Variants in ESR1 observed in about 807,000 individuals in gnomAD.
The protein encoded by ESR1 is estrogen receptor.
A neutral mutation model predicts 52.7 loss-of-function variants in ESR1; 12 were observed. The ratio of observed to expected loss-of-function variants is 0.23; its 90% CI spans 0.15 to 0.37. The LOEUF is 0.37. Ranked by LOEUF, ESR1 falls within the 10% of genes least tolerant of loss-of-function variation. The pLI is 1.00. For synonymous variants in ESR1, 305 were observed against 316.8 expected (o/e 0.96, Z 0.39); for missense variants, 584 against 779.7 (o/e 0.75, Z 2.99).
At chr6:151,976,711 A>G (rs371232143) in intron 4 of ESR1, among the ~76,000 whole-genome samples, 198 of 152,286 alleles carry the variant, frequency 1.3e-3, no homozygotes, top group African/African-American at 4.4e-3. Context: ...ACTGATAGAG[A>G]TTAAATGATG....
At chr6:152,083,623 A>T (rs60452215) in intron 6 of ESR1, among the ~76,000 whole-genome samples, 13,179 of 152,304 alleles carry the variant, frequency 0.087, 1,196 homozygotes, top group African/African-American at 0.23. Flanking sequence ...ATTAAACTAA[A>T]GAGCTTCTGC....
At chr6:151,832,503 A>G (rs904057115) in intron 1 of ESR1, among the ~76,000 whole-genome samples, 9 of 152,188 alleles carry the variant, frequency 5.9e-5, no homozygotes, top group African/African-American at 1.7e-4. Context: ...CTGTCCATCC[A>G]TAGTGATATT....
intron 3 of ESR1, among the ~76,000 whole-genome samples, chr6:151,919,288 A>G (rs4458702): frequency 0.78 from 118,962 of 152,152 alleles, 47,042 homozygotes; most frequent in African/African-American, 0.89. Context: ...TTTGTGTTAT[A>G]TTCAGTGTTA....
intron 5 of ESR1, among the ~76,000 whole-genome samples, chr6:152,021,509 A>G (rs2043649484): frequency 6.6e-6 from 1 of 152,176 alleles, no homozygotes; most frequent in African/African-American, 2.4e-5. Flanking sequence ...CACACTGTCC[A>G]TGTCTTTGAT....
At chr6:151,716,373 G>A (rs927439690) in intron 2 of ESR1, among the ~76,000 whole-genome samples, 2 of 152,148 alleles carry the variant, frequency 1.3e-5, no homozygotes, top group Non-Finnish European at 2.9e-5. Flanking sequence ...TGGGGGATCC[G>A]TTTCTCTCTT....
chr6:151,723,269 G>A (rs1241101405), intron 2 of ESR1, among the ~76,000 whole-genome samples: 2 of 150,708 alleles, frequency 1.3e-5, no homozygotes, highest in East Asian at 2.0e-4. Context: ...ATTACTTGAT[G>A]GGTACAATCT....
intron 5 of ESR1, among the ~76,000 whole-genome samples, chr6:152,050,484 A>AT (rs1445352755): frequency 6.6e-6 from 1 of 151,862 alleles, no homozygotes; most frequent in Non-Finnish European, 1.5e-5. Context: ...ATTTTCTTCC[A>AT]TTTTTTCTTT....
chr6:152,093,349 T>C (rs1562779173), intron 6 of ESR1, among the ~76,000 whole-genome samples: 1 of 101,828 alleles, frequency 9.8e-6, no homozygotes, highest in African/African-American at 4.0e-5. Flanking sequence ...TCTCTCTCTC[T>C]CTCTTTCTCT....
chr6:151,816,057 C>T (rs1192192945), intron 1 of ESR1, among the ~76,000 whole-genome samples: 1 of 152,052 alleles, frequency 6.6e-6, no homozygotes, highest in Non-Finnish European at 1.5e-5. Flanking sequence ...ATGCTGTTGG[C>T]CATGAGTTCA....
At chr6:151,689,547 G>T (rs1778819778), upstream of ESR1, among the ~76,000 whole-genome samples, 2 of 152,224 alleles carry the variant, frequency 1.3e-5, no homozygotes, top group Admixed American at 6.5e-5. Context: ...AGACAGTTAA[G>T]ATCATTGATT....
At chr6:151,917,506 A>G (rs554643453) in intron 3 of ESR1, among the ~76,000 whole-genome samples, 1 of 152,322 alleles carries the variant, frequency 6.6e-6, no homozygotes, top group South Asian at 2.1e-4. Flanking sequence ...TAAAATACAC[A>G]GTAGTTTTAA....
intron 3 of ESR1, among the ~76,000 whole-genome samples, chr6:151,882,389 A>G (rs1399795417): frequency 6.6e-6 from 1 of 152,226 alleles, no homozygotes; most frequent in Non-Finnish European, 1.5e-5. Context: ...TTTAATTCAA[A>G]GGGTAATTAA....
intron 1 of ESR1, among the ~76,000 whole-genome samples, chr6:151,826,121 G>A (rs1395760826): frequency 6.6e-6 from 1 of 152,022 alleles, no homozygotes; most frequent in Non-Finnish European, 1.5e-5. Context: ...GTGTGGTTTG[G>A]CTTTGGCTTC....
chr6:152,079,232 G>A (rs192263677), intron 6 of ESR1, among the ~76,000 whole-genome samples: 2 of 152,256 alleles, frequency 1.3e-5, no homozygotes, highest in East Asian at 3.9e-4. Flanking sequence ...CTCCCAGTAG[G>A]GGCCGACAGA....
chr6:152,117,468 A>G (rs978358507), intron 6 of ESR1, among the ~76,000 whole-genome samples: 1 of 152,344 alleles, frequency 6.6e-6, no homozygotes, highest in South Asian at 2.1e-4. Flanking sequence ...TTCTCCTGAC[A>G]TAATTGCGGT....
downstream of ESR1, among the ~76,000 whole-genome samples, chr6:152,103,460 C>T (rs2051018166): frequency 6.6e-6 from 1 of 152,170 alleles, no homozygotes; most frequent in African/African-American, 2.4e-5. Flanking sequence ...TGTGGTCAGG[C>T]AGAACTGGCC....
At chr6:151,673,758 T>C (rs972651329) in intron 1 of ESR1, among the ~76,000 whole-genome samples, 5 of 152,060 alleles carry the variant, frequency 3.3e-5, no homozygotes, top group African/African-American at 1.2e-4. Context: ...AGCGTGCAAA[T>C]GTATTGCCAG....
intron 4 of ESR1, among the ~76,000 whole-genome samples, chr6:151,972,617 T>C: frequency 6.6e-6 from 1 of 152,108 alleles, no homozygotes; most frequent in East Asian, 1.9e-4. Flanking sequence ...TTATGACAAT[T>C]TTTAAATATG....
At chr6:151,673,118 G>A (rs915735629) in intron 1 of ESR1, among the ~76,000 whole-genome samples, 38 of 152,146 alleles carry the variant, frequency 2.5e-4, no homozygotes, top group African/African-American at 7.9e-4. Flanking sequence ...GAGCCACGGC[G>A]CCCGGCTTCA....
Sources: allele counts gnomAD v4.1 joint callset (sites outside exome capture counted in the v4.1 genomes callset), GRCh38; gene constraint gnomAD v4.1.1; transcripts MANE v1.5; gene names NCBI Gene and HGNC (gene_info 2026-07-23, HGNC 2026-07-21).